The following GRIK1 variants were observed in gnomAD, a reference collection of about 807,000 sequenced individuals.
GRIK1 encodes glutamate receptor ionotropic, kainate 1.
In GRIK1, 69 loss-of-function variants were observed where a neutral mutation model predicts 105.7. The ratio of observed to expected loss-of-function variants is 0.65; its 90% CI spans 0.54 to 0.80. GRIK1 has a LOEUF of 0.80. GRIK1 is among the 30% of genes least tolerant of loss of function. GRIK1 has a pLI of 0.00. For synonymous variants in GRIK1, 438 were observed against 431.3 expected (o/e 1.02, Z -0.19); for missense variants, 1,109 against 1,167.3 (o/e 0.95, Z 0.73).
intron 3 of GRIK1, among the ~76,000 whole-genome samples, chr21:29,679,890 A>G (rs1247126422): frequency 6.6e-6 from 1 of 152,214 alleles, no homozygotes; most frequent in Non-Finnish European, 1.5e-5. Context: ...TAAACTTAAC[A>G]TATGGCATTT....
At chr21:29,671,273 C>T (rs1309000369) in intron 4 of GRIK1, among the ~76,000 whole-genome samples, 2 of 152,062 alleles carry the variant, frequency 1.3e-5, no homozygotes, top group Admixed American at 6.6e-5. Flanking sequence ...CAGGTGCCCA[C>T]CACCACACCT....
intron 1 of GRIK1, among the ~76,000 whole-genome samples, chr21:29,841,891 C>A (rs2067993685): frequency 6.6e-6 from 1 of 152,158 alleles, no homozygotes; most frequent in Non-Finnish European, 1.5e-5. Flanking sequence ...CTTCACCCAG[C>A]TACAAAATAA....
intron 14 of GRIK1, among the ~76,000 whole-genome samples, chr21:29,568,783 C>G (rs2090670064): frequency 6.6e-6 from 1 of 152,228 alleles, no homozygotes; most frequent in Non-Finnish European, 1.5e-5. Context: ...TACCTCTTGT[C>G]TCTGTATTGC....
rs363562 is a variant in GRIK1, at chr21:29,665,423, A to G, written c.726+7560T>C. On this transcript the variant is annotated intron_variant, in intron 4 of 17. Transcript: ENST00000327783. ...TGTACCGCCAAAGTAATTATATAAC[A>G]TACTACAAATTATCATCAAATTAGT... Among the ~76,000 whole-genome samples, 141 of 152,374 alleles carry G rather than the reference A, an allele frequency of 9.3e-4. 1 individual carries two copies. Among genetic ancestry groups the G allele is most frequent in the African/African-American group, 3.3e-3 (139 of 41,584 alleles).
At chr21:29,810,036 G>A (rs190054511) in intron 1 of GRIK1, among the ~76,000 whole-genome samples, 47 of 152,232 alleles carry the variant, frequency 3.1e-4, no homozygotes, top group South Asian at 8.3e-4. Flanking sequence ...GGTGGGTCAT[G>A]CCTGTAATCC....
intron 1 of GRIK1, among the ~76,000 whole-genome samples, chr21:29,732,930 A>G (rs1157101094): frequency 6.6e-6 from 1 of 152,212 alleles, no homozygotes; most frequent in Non-Finnish European, 1.5e-5. Flanking sequence ...AATGTGAAAA[A>G]ATGCCACGGA....
rs115183756 is a variant in GRIK1, at chr21:29,565,862, G to A, written c.2131-4013C>T. Among the ~76,000 whole-genome samples, 262 of 152,318 alleles carry A rather than the reference G, an allele frequency of 1.7e-3. 1 individual carries two copies. Among genetic ancestry groups the A allele is most frequent in the African/African-American group, 6.2e-3 (256 of 41,570 alleles). ...CCAACCCCTTCCTATCACATATGCA[G>A]GTCCTGAGGTCAGGGACAGCAAATG... On this transcript the variant is annotated intron_variant, in intron 14 of 17. Coordinates refer to ENST00000327783, the MANE Select transcript of GRIK1 (RefSeq NM_001330994.2).
intron 1 of GRIK1, among the ~76,000 whole-genome samples, chr21:29,853,411 GCTACC>G (rs2068367526): frequency 6.6e-6 from 1 of 152,178 alleles, no homozygotes; most frequent in Admixed American, 6.5e-5. Flanking sequence ...TAGTCCTCCA[GCTACC>G]TTTTGAATTC....
At chr21:29,685,774 A>T (rs1218206477) in intron 3 of GRIK1, among the ~76,000 whole-genome samples, 17 of 152,312 alleles carry the variant, frequency 1.1e-4, no homozygotes, top group Admixed American at 1.1e-3. Flanking sequence ...GTTCTCAGAA[A>T]CAAGGTCTTT....
chr21:29,591,017 A>G, intron 10 of GRIK1, 95 bp downstream of exon 10: 1 of 778,532 alleles, frequency 1.3e-6, no homozygotes, highest in East Asian at 2.4e-5. Flanking sequence ...ATTTGCAGAC[A>G]GAAGCGTTGG....
At chr21:29,768,793 G>A (rs2065740072) in intron 1 of GRIK1, among the ~76,000 whole-genome samples, 1 of 152,130 alleles carries the variant, frequency 6.6e-6, no homozygotes, top group African/African-American at 2.4e-5. Flanking sequence ...CACATTTTCT[G>A]TCCTCAACTT....
In GRIK1 at chr21:29,561,698, G is replaced by A. The variant is rs758438478; in HGVS notation, c.2282C>T (p.Thr761Met). 60 of 1,613,850 alleles carry A rather than the reference G, an allele frequency of 3.7e-5. No homozygotes were observed. The highest frequency in any genetic ancestry group is 6.7e-5 in the East Asian group (3 of 44,898). ...CTGAGTGAGGTTGCAGTTTCTCTGC[G>A]TCACATACTCAATGCTGGTGGACTC... ...LMESTSIEYV[T>M]QRNCNLTQIG... Residue 761 changes from threonine to methionine, a missense_variant, in exon 15 of 18, where the codon ACG becomes ATG. Thr to Met is a moderately conservative substitution (Grantham distance 81, BLOSUM62 -1). Transcript: ENST00000327783.
intron 1 of GRIK1, among the ~76,000 whole-genome samples, chr21:29,825,006 C>T (rs917852547): frequency 1.3e-5 from 2 of 151,624 alleles, no homozygotes; most frequent in African/African-American, 4.8e-5. Flanking sequence ...ATTAATATAT[C>T]CAATTATAGG....
rs138824761 is a variant in GRIK1, at chr21:29,587,142, A to C, written c.1793+224T>G. On this transcript the variant is annotated intron_variant, in intron 12 of 17. Coordinates refer to ENST00000327783, the MANE Select transcript of GRIK1 (RefSeq NM_001330994.2). Reference sequence around the variant, plus strand: ...GTTGCTTGAAATAGGGATAAAGTTAAACTAATATTAAAAATTATCTTCCTC... The same window carrying C: ...GTTGCTTGAAATAGGGATAAAGTTACACTAATATTAAAAATTATCTTCCTC... 2.7e-3 allele frequency among the ~76,000 whole-genome samples: 410 copies of C among 152,340 alleles called. 1 individual carries two copies. Among genetic ancestry groups the C allele is most frequent in the African/African-American group, 9.5e-3 (395 of 41,574 alleles).
At chr21:29,796,110 T>G (rs1330689644) in intron 1 of GRIK1, among the ~76,000 whole-genome samples, 1 of 152,248 alleles carries the variant, frequency 6.6e-6, no homozygotes, top group Admixed American at 6.5e-5. Context: ...GTGTGCATTT[T>G]GTCATTGCAG....
intron 12 of GRIK1, among the ~76,000 whole-genome samples, chr21:29,584,931 C>G (rs2091098164): frequency 6.6e-6 from 1 of 152,094 alleles, no homozygotes. Flanking sequence ...CTTTATGAAG[C>G]AGAAGCAGGG....
At chr21:29,861,598 C>T (rs141577950) in intron 1 of GRIK1, 11 of 386,036 alleles carry the variant, frequency 2.8e-5, no homozygotes, top group East Asian at 8.9e-5. Context: ...TGAGCCAACA[C>T]GCCCGGCTGC....
At chr21:29,765,011 A>G (rs1007689615) in intron 1 of GRIK1, among the ~76,000 whole-genome samples, 4 of 152,164 alleles carry the variant, frequency 2.6e-5, no homozygotes, top group Non-Finnish European at 5.9e-5. Context: ...TATAAATCGA[A>G]TAGGTTGAAA....
At chr21:29,561,227 T>A (rs576725820) in intron 15 of GRIK1, among the ~76,000 whole-genome samples, 64 of 152,330 alleles carry the variant, frequency 4.2e-4, no homozygotes, top group Admixed American at 1.2e-3. Context: ...CCTCTCACTT[T>A]TGCTGTCCAT....
Sources: gnomAD v4.1 joint callset for allele counts (sites outside exome capture counted in the v4.1 genomes callset) on GRCh38, gnomAD v4.1.1 for gene constraint, MANE v1.5 for transcripts, NCBI Gene and HGNC (gene_info 2026-07-23, HGNC 2026-07-21) for gene names.